The following BRCA1 variants were observed in gnomAD, a reference collection of about 807,000 sequenced individuals.
BRCA1 encodes the protein breast cancer type 1 susceptibility protein.
Under a neutral mutation model 173.7 loss-of-function variants are expected in BRCA1, and 140 were observed. The ratio of observed to expected loss-of-function variants is 0.81; its 90% CI spans 0.70 to 0.93. The LOEUF (loss-of-function observed/expected upper bound fraction) is 0.93, where lower values mean the gene tolerates loss of function less well. Ranked by LOEUF, BRCA1 falls within the 40% of genes least tolerant of loss-of-function variation. The pLI, the probability that BRCA1 is intolerant of heterozygous loss-of-function variation, is 0.00. For missense variants in BRCA1, 1,983 were observed against 2,172.5 expected (o/e 0.91, Z 1.73); for synonymous variants, 662 against 756.0 (o/e 0.88, Z 2.04).
rs751690840 is a variant in BRCA1 at position 43,094,274 on chromosome 17, T to A, written c.1257A>T (p.Val419=). Residue 419 remains valine (V), a synonymous_variant, in exon 10 of 23, where the codon GTA becomes GTT. Transcript: ENST00000357654. The part of the protein sequence containing the change: ...VADVLDVLNE[V]DEYSGSSEKI... The stretch of plus-strand genomic sequence containing the variant: ...TCTCTGAAGAACCAGAATATTCATC[T>A]ACCTCATTTAGAACGTCCAATACAT... The A allele has an allele frequency of 1.2e-6, 2 of 1,614,176 alleles. No individual in the cohort carries two copies. The highest frequency in any genetic ancestry group is 3.3e-5 in the Admixed American group (2 of 60,018).
chr17:43,135,312 C>G (rs1455952754), intron 1 of BRCA1, among the ~76,000 whole-genome samples: 5 of 152,228 alleles, frequency 3.3e-5, no homozygotes, highest in Non-Finnish European at 5.9e-5. Flanking sequence ...GCCCAGCGTT[C>G]AAGCCCAAGC....
intron 22 of BRCA1, 27 bp from the exon 23 acceptor site, chr17:43,045,829 T>C (rs2152615672): frequency 1.2e-6 from 2 of 1,614,068 alleles, no homozygotes. Flanking sequence ...CAAGCAGAGA[T>C]TAGTGTCAAT....
chr17:43,151,530 T>C (rs2056161825), intron 1 of BRCA1, among the ~76,000 whole-genome samples: 1 of 152,180 alleles, frequency 6.6e-6, no homozygotes, highest in Admixed American at 6.5e-5. Flanking sequence ...GGATTTTCAG[T>C]GTGTTCCAGA....
At chr17:43,086,952 G>T (rs150347361) in intron 11 of BRCA1, among the ~76,000 whole-genome samples, 1 of 152,178 alleles carries the variant, frequency 6.6e-6, no homozygotes, top group Non-Finnish European at 1.5e-5. Flanking sequence ...AGAGGGATTT[G>T]CTCTGTACAG....
chr17:43,060,389 C>T (rs35475366), intron 18 of BRCA1, among the ~76,000 whole-genome samples: 117 of 151,928 alleles, frequency 7.7e-4, no homozygotes, highest in Middle Eastern at 3.4e-3. Context: ...GGTTTTGCCA[C>T]GTTGGCCAGG....
intron 12 of BRCA1, among the ~76,000 whole-genome samples, chr17:43,080,979 G>A (rs373592036): frequency 6.6e-6 from 1 of 152,036 alleles, no homozygotes; most frequent in Non-Finnish European, 1.5e-5. Flanking sequence ...GGAGAAAAAG[G>A]CTCAAAACTT....
At chr17:43,067,064 C>A (rs1287479688) in intron 16 of BRCA1, among the ~76,000 whole-genome samples, 1 of 151,586 alleles carries the variant, frequency 6.6e-6, no homozygotes, top group East Asian at 2.0e-4. Context: ...GTGATCCACC[C>A]GCCTCGGCCT....
chr17:43,053,022 G>A (rs1035996935), intron 19 of BRCA1, among the ~76,000 whole-genome samples: 2 of 151,812 alleles, frequency 1.3e-5, no homozygotes, highest in African/African-American at 2.4e-5. Flanking sequence ...GATTACAGGT[G>A]CACACCACCA....
intron 12 of BRCA1, among the ~76,000 whole-genome samples, chr17:43,076,990 G>A (rs2052764025): frequency 1.3e-5 from 2 of 151,808 alleles, no homozygotes; most frequent in South Asian, 4.2e-4. Context: ...CAGACAATAG[G>A]AAAGAAAGAG....
chr17:43,094,198 C>G lies in BRCA1; in HGVS notation c.1333G>C (p.Glu445Gln), dbSNP rs80356915. The change falls in exon 10 of 23, where the codon GAA becomes CAA. Residue 445 changes from glutamate to glutamine, a missense_variant. Physicochemically the swap from Glu to Gln is conservative, Grantham distance 29. Coordinates refer to ENST00000357654, the MANE Select transcript of BRCA1 (RefSeq NM_007294.4). ...TCTACTGATTTGGAGTGAACTCTTT[C>G]ACTTTTACATATTAAAGCCTCATGA... ...DPHEALICKS[E>Q]RVHSKSVESN... 1.2e-5 allele frequency: 19 copies of G among 1,613,936 alleles called. No individual in the cohort carries two copies. The highest frequency in any genetic ancestry group is 7.7e-5 in the South Asian group (7 of 91,080).
In BRCA1 at chr17:43,044,751, A is replaced by G. The variant is rs1157481746; in HGVS notation, c.*927T>C. On this transcript the variant is annotated 3_prime_UTR_variant, in exon 23 of 23. Transcript: ENST00000357654. The stretch of plus-strand genomic sequence containing the variant: ...TGCTGTTTTAGAACACATTCTTTAG[A>G]AATCTAGCAAATATATCTCAGACTT... 1.0e-5 allele frequency: 5 copies of G among 498,202 alleles called. No individual in the cohort carries two copies. The highest frequency in any genetic ancestry group is 7.8e-5 in the South Asian group (5 of 63,868). 30.9% of individuals were successfully genotyped at this position (498,202 alleles called of 1,614,324 possible).
Position 43,093,457 on chromosome 17 carries a change from G to A in BRCA1, c.2074C>T (p.His692Tyr), listed in dbSNP as rs545736576. Reference protein sequence around the residue: ...NKPNEQTSKRHDSDTFPELKL... With the variant: ...NKPNEQTSKRYDSDTFPELKL... ...AGCTCTGGGAAAGTATCGCTGTCATGTCTTTTACTTGTCTGTTCATTTGGC... is the reference window on the plus strand; with the variant it reads ...AGCTCTGGGAAAGTATCGCTGTCATATCTTTTACTTGTCTGTTCATTTGGC... The change falls in exon 10 of 23, where the codon CAT becomes TAT. Residue 692 changes from histidine (H) to tyrosine (Y), a missense_variant. By Grantham distance (83) the His-to-Tyr change is moderately conservative. Transcript: ENST00000357654. 13 of 1,614,012 alleles carry A rather than the reference G, an allele frequency of 8.1e-6. No individual in the cohort carries two copies. The South Asian group carries it at 1.3e-4, about 16-fold the overall frequency.
intron 11 of BRCA1, among the ~76,000 whole-genome samples, chr17:43,087,196 C>CAT (rs1487490775): frequency 6.6e-6 from 1 of 152,176 alleles, no homozygotes; most frequent in Admixed American, 6.5e-5. Flanking sequence ...AGGAAATAAT[C>CAT]AGGGATGTAG....
intron 11 of BRCA1, among the ~76,000 whole-genome samples, chr17:43,086,501 G>C (rs2053236524): frequency 6.6e-6 from 1 of 152,082 alleles, no homozygotes. Context: ...TTTCCTGCCT[G>C]TGCTACTTTA....
chr17:43,137,007 A>G (rs907186258), intron 1 of BRCA1, among the ~76,000 whole-genome samples: 3 of 152,184 alleles, frequency 2.0e-5, no homozygotes, highest in Non-Finnish European at 2.9e-5. Flanking sequence ...CACTATTCAC[A>G]ATAGCAAAGA....
At chr17:43,128,005 C>T (rs1393998452), upstream of BRCA1, among the ~76,000 whole-genome samples, 1 of 115,654 alleles carries the variant, frequency 8.6e-6, no homozygotes, top group Non-Finnish European at 1.6e-5. Context: ...GCCTGGGTGA[C>T]AGAGGGAGAC....
In BRCA1 at chr17:43,100,678, AATAT is replaced by A. The variant is rs56679756; in HGVS notation, c.442-802_442-799del. 4.4e-3 allele frequency among the ~76,000 whole-genome samples: 158 copies of A among 36,250 alleles called. 10 individuals are homozygous for A. Among genetic ancestry groups the A allele is most frequent in the East Asian group, 6.1e-3 (5 of 814 alleles). 23.8% of individuals were successfully genotyped at this position (36,250 alleles called of 152,430 possible). Reference sequence around the variant, plus strand: ...ATAACATATATATATATATATATATAATATATATATATATATATATATATGTAAT... The same window carrying A: ...ATAACATATATATATATATATATATAATATATATATATATATATATGTAAT... On this transcript the variant is annotated intron_variant, in intron 6 of 22. Transcript: ENST00000357654.
chr17:43,136,269 T>C (rs546967350), intron 1 of BRCA1, among the ~76,000 whole-genome samples: 1 of 152,158 alleles, frequency 6.6e-6, no homozygotes, highest in Non-Finnish European at 1.5e-5. Flanking sequence ...CCTTACACCT[T>C]ATACAAAAAT....
intron 3 of BRCA1, among the ~76,000 whole-genome samples, chr17:43,108,512 G>A (rs1030764533): frequency 1.3e-5 from 2 of 151,404 alleles, no homozygotes; most frequent in African/African-American, 4.9e-5. Context: ...AGACCAGCCT[G>A]GCTAACATGG....
Sources: allele counts gnomAD v4.1 joint callset (sites outside exome capture counted in the v4.1 genomes callset), GRCh38; gene constraint gnomAD v4.1.1; transcripts MANE v1.5; gene names NCBI Gene and HGNC (gene_info 2026-07-23, HGNC 2026-07-21).